The following WWOX variants were observed in gnomAD, a reference collection of about 807,000 sequenced individuals.
WWOX encodes the protein WW domain-containing oxidoreductase.
WWOX carries 69 observed loss-of-function variants against 46.2 expected under a neutral mutation model. That is an observed-to-expected ratio of 1.49 (90% confidence interval 1.23 to 1.82). WWOX has a LOEUF of 1.82. Ranked by LOEUF, WWOX falls within the 40% of genes most tolerant of loss-of-function variation. The probability of loss-of-function intolerance (pLI) is 0.00; values close to 1 mark genes in which losing one functional copy is unlikely to be tolerated. For synonymous variants in WWOX, 359 were observed against 202.6 expected (o/e 1.77, Z -6.56); for missense variants, 919 against 542.6 (o/e 1.69, Z -6.89).
chr16:78,485,992 TA>T (rs1279940960), intron 8 of WWOX, among the ~76,000 whole-genome samples: 2 of 152,240 alleles, frequency 1.3e-5, no homozygotes, highest in African/African-American at 4.8e-5. Context: ...GGAGTCCATG[TA>T]GTTGCTGAAA....
At chr16:78,821,020 T>C (rs1190150146) in intron 8 of WWOX, among the ~76,000 whole-genome samples, 1 of 152,202 alleles carries the variant, frequency 6.6e-6, no homozygotes, top group African/African-American at 2.4e-5. Context: ...ATCTCATTCC[T>C]TATCTTAATT....
chr16:78,321,302 ACGTATATATATG>A lies in WWOX; in HGVS notation c.517-65546_517-65535del, dbSNP rs56058839. ...AATATATATATATACGTATATATAT[ACGTATATATATG>A]CGTATATATATACGTATATATGCGT... On this transcript the variant is annotated intron_variant, in intron 5 of 8. Transcript: ENST00000566780. 6.3e-3 allele frequency among the ~76,000 whole-genome samples: 439 copies of A among 70,222 alleles called. 11 individuals are homozygous for A. Among genetic ancestry groups the A allele is most frequent in the Admixed American group, 0.011 (64 of 6,072 alleles). The allele number at this position is 70,222 out of a possible 152,430, so 46.1% of individuals were successfully genotyped here. A position where few individuals can be genotyped will look rare whatever the true frequency, so the allele number is the denominator to read the frequency against.
chr16:79,123,711 A>G (rs2049689605), intron 8 of WWOX, among the ~76,000 whole-genome samples: 1 of 152,172 alleles, frequency 6.6e-6, no homozygotes, highest in South Asian at 2.1e-4. Context: ...CAGCTGTAGG[A>G]ACATGAAATA....
chr16:79,030,343 C>G (rs980423127), intron 8 of WWOX, among the ~76,000 whole-genome samples: 7 of 152,230 alleles, frequency 4.6e-5, no homozygotes, highest in Admixed American at 1.3e-4. Context: ...AGGAATCTGA[C>G]AAATTTAGTT....
chr16:78,776,267 C>T (rs957373289), intron 8 of WWOX, among the ~76,000 whole-genome samples: 2 of 152,104 alleles, frequency 1.3e-5, no homozygotes, highest in Admixed American at 1.3e-4. Context: ...ATTGGCTTGG[C>T]TCGGTGGTTG....
intron 4 of WWOX, among the ~76,000 whole-genome samples, chr16:78,144,262 C>T (rs1281492944): frequency 6.6e-6 from 1 of 150,598 alleles, no homozygotes; most frequent in Non-Finnish European, 1.5e-5. Flanking sequence ...AGTTAAGATT[C>T]ATTTATTCTA....
intron 8 of WWOX, among the ~76,000 whole-genome samples, chr16:79,110,081 A>G (rs1283416602): frequency 6.6e-6 from 1 of 152,080 alleles, no homozygotes; most frequent in African/African-American, 2.4e-5. Context: ...GGGCTTTCAG[A>G]CTTTCGCTTA....
intron 5 of WWOX, among the ~76,000 whole-genome samples, chr16:78,333,464 G>A (rs759523519): frequency 6.6e-5 from 10 of 152,084 alleles, no homozygotes; most frequent in Non-Finnish European, 1.2e-4. Context: ...CTGTTCTGAT[G>A]TAATACTTAG....
At chr16:78,278,213 G>A (rs963775344) in intron 5 of WWOX, among the ~76,000 whole-genome samples, 1 of 152,206 alleles carries the variant, frequency 6.6e-6, no homozygotes, top group Non-Finnish European at 1.5e-5. Flanking sequence ...GTGTGTGTAT[G>A]TGTATACAGT....
chr16:78,898,619 T>G (rs532250602), intron 8 of WWOX: 43 of 152,284 alleles, frequency 2.8e-4, no homozygotes, highest in African/African-American at 9.4e-4. Context: ...ACATATATAT[T>G]TCCTGATCAG....
intron 8 of WWOX, among the ~76,000 whole-genome samples, chr16:78,989,518 G>C (rs936616142): frequency 4.7e-4 from 72 of 152,296 alleles, no homozygotes; most frequent in African/African-American, 1.7e-3. Context: ...CAAAGGTAGT[G>C]GGGCCAGCAG....
chr16:79,193,877 G>A (rs1468300175), intron 8 of WWOX, among the ~76,000 whole-genome samples: 1 of 152,194 alleles, frequency 6.6e-6, no homozygotes, highest in Non-Finnish European at 1.5e-5. Flanking sequence ...GTAACCTACA[G>A]AAGCAACTAG....
intron 4 of WWOX, among the ~76,000 whole-genome samples, chr16:78,144,316 G>C (rs193230982): frequency 6.0e-4 from 90 of 149,568 alleles, no homozygotes; most frequent in African/African-American, 2.1e-3. Context: ...GGGAGAATCT[G>C]AGATACAGCT....
intron 5 of WWOX, among the ~76,000 whole-genome samples, chr16:78,329,520 G>A (rs565425398): frequency 6.6e-6 from 1 of 152,282 alleles, no homozygotes; most frequent in East Asian, 1.9e-4. Flanking sequence ...TTCTTGGGTA[G>A]GTGTGTGACT....
chr16:78,661,334 A>T (rs554990175), intron 8 of WWOX, among the ~76,000 whole-genome samples: 2 of 152,114 alleles, frequency 1.3e-5, no homozygotes, highest in African/African-American at 2.4e-5. Context: ...TTATGTTGCT[A>T]TTGTATCGTA....
intron 8 of WWOX, among the ~76,000 whole-genome samples, chr16:78,837,301 A>G (rs536573767): frequency 2.6e-5 from 4 of 152,174 alleles, no homozygotes; most frequent in Admixed American, 6.5e-5. Flanking sequence ...ATTTCTTCCA[A>G]CACTTAGAGA....
At chr16:79,102,062 G>C (rs1409465157) in intron 8 of WWOX, among the ~76,000 whole-genome samples, 2 of 128,418 alleles carry the variant, frequency 1.6e-5, no homozygotes, top group Non-Finnish European at 3.3e-5. Context: ...GTAGGGGGGA[G>C]GGGGGGAGGG....
chr16:78,723,224 TCTTTATATTATAAGTTTATGCCA>T (rs762313530), intron 8 of WWOX, among the ~76,000 whole-genome samples: 9 of 152,212 alleles, frequency 5.9e-5, no homozygotes, highest in Non-Finnish European at 8.8e-5. Context: ...CTTATTTTCT[TCTTTATATTATAAGTTTATGCCA>T]CTGCAACATT....
At chr16:78,978,141 G>A (rs1180334623) in intron 8 of WWOX, among the ~76,000 whole-genome samples, 1 of 152,152 alleles carries the variant, frequency 6.6e-6, no homozygotes, top group African/African-American at 2.4e-5. Flanking sequence ...TGTGTTCAAG[G>A]TTGACCCACA....
Sources: gnomAD v4.1 joint callset for allele counts (sites outside exome capture counted in the v4.1 genomes callset) on GRCh38, gnomAD v4.1.1 for gene constraint, MANE v1.5 for transcripts, NCBI Gene and HGNC (gene_info 2026-07-23, HGNC 2026-07-21) for gene names.